Variants in EML5 observed in about 807,000 individuals in gnomAD.
The protein encoded by EML5 is EMAP like 5, also known as echinoderm microtubule-associated protein-like 5.
In EML5, 120 loss-of-function variants were observed where a neutral mutation model predicts 250.0. The ratio of observed to expected loss-of-function variants is 0.48; its 90% CI spans 0.41 to 0.56. The LOEUF is 0.56. Ranked by LOEUF, EML5 falls within the 20% of genes least tolerant of loss-of-function variation. EML5 has a pLI of 0.00. For synonymous variants in EML5, 771 were observed against 806.5 expected (o/e 0.96, Z 0.75); for missense variants, 2,006 against 2,437.6 (o/e 0.82, Z 3.73).
chr14:88,785,235 A>C (rs1458047438), intron 1 of EML5, among the ~76,000 whole-genome samples: 2 of 152,136 alleles, frequency 1.3e-5, no homozygotes, highest in African/African-American at 4.8e-5. Flanking sequence ...TAATGGGTAC[A>C]AAAAAAGAGT....
At chr14:88,744,806 C>T in intron 3 of EML5, among the ~76,000 whole-genome samples, 1 of 151,994 alleles carries the variant, frequency 6.6e-6, no homozygotes, top group Non-Finnish European at 1.5e-5. Context: ...ACCTTATCAA[C>T]CTACCTCTAA....
At chr14:88,687,902 C>T (rs1658346489) in intron 18 of EML5, among the ~76,000 whole-genome samples, 1 of 151,996 alleles carries the variant, frequency 6.6e-6, no homozygotes, top group African/African-American at 2.4e-5. Context: ...ATAATCTCTA[C>T]CAAAAAAATT....
chr14:88,710,806 T>C (rs949710006), intron 10 of EML5, among the ~76,000 whole-genome samples: 1 of 152,260 alleles, frequency 6.6e-6, no homozygotes, highest in East Asian at 1.9e-4. Flanking sequence ...AAGGAGTGAA[T>C]AATCTCTTAG....
intron 14 of EML5, 90 bp downstream of exon 14, chr14:88,702,356 C>A (rs1383245306): frequency 9.8e-7 from 1 of 1,017,364 alleles, no homozygotes; most frequent in Non-Finnish European, 1.4e-6. Flanking sequence ...CTCTTCATAT[C>A]CTAGAACATA....
chr14:88,704,452 T>C (rs1453883489), intron 13 of EML5, among the ~76,000 whole-genome samples: 1 of 152,144 alleles, frequency 6.6e-6, no homozygotes, highest in African/African-American at 2.4e-5. Flanking sequence ...TATTCCTTTA[T>C]AGCAATGTGA....
At chr14:88,662,343 T>G (rs868617376) in intron 24 of EML5, among the ~76,000 whole-genome samples, 3 of 135,860 alleles carry the variant, frequency 2.2e-5, no homozygotes, top group African/African-American at 9.6e-5. Flanking sequence ...TTTCTTGTTT[T>G]TTTTTTTTTT....
chr14:88,778,789 A>G (rs780340334), intron 1 of EML5, among the ~76,000 whole-genome samples: 14 of 152,206 alleles, frequency 9.2e-5, no homozygotes, highest in Non-Finnish European at 1.8e-4. Flanking sequence ...AAAACAAAAC[A>G]AAACAAAACA....
At chr14:88,734,708 A>G (rs181031790) in intron 7 of EML5, among the ~76,000 whole-genome samples, 2 of 152,304 alleles carry the variant, frequency 1.3e-5, no homozygotes, top group East Asian at 1.9e-4. Flanking sequence ...CTGAAAATTC[A>G]TAACTGTATC....
chr14:88,629,884 C>T (rs781590267), intron 33 of EML5, among the ~76,000 whole-genome samples: 3 of 152,074 alleles, frequency 2.0e-5, no homozygotes, highest in South Asian at 2.1e-4. Context: ...TTTTCACTAC[C>T]GTTTTTCACT....
rs145371600 is a variant in EML5 at position 88,742,229 on chromosome 14, G to A, written c.526-1657C>T. Among the ~76,000 whole-genome samples, 447 of 152,152 alleles carry A rather than the reference G, an allele frequency of 2.9e-3. 3 individuals carry two copies. The highest frequency in any genetic ancestry group is 0.01 in the African/African-American group (433 of 41,520). The stretch of plus-strand genomic sequence containing the variant: ...GAATCCAAATCAATATTGACCAATA[G>A]AAATTTCAGTGATGATGAAAATATT... On this transcript the variant is annotated intron_variant, in intron 4 of 43. Transcript: ENST00000554922.
intron 39 of EML5, chr14:88,619,743 C>CA (rs2088522206): frequency 6.6e-6 from 1 of 152,178 alleles, no homozygotes; most frequent in African/African-American, 2.4e-5. Context: ...TGCGATGGCG[C>CA]AACCTCCGCC....
In EML5 at chr14:88,614,435, C is replaced by A. The variant is rs180690568; in HGVS notation, c.*1383G>T. 1 of 152,098 alleles carries A rather than the reference C, an allele frequency of 6.6e-6. No individual in the cohort carries two copies. Among genetic ancestry groups the A allele is most frequent in the Non-Finnish European group, 1.5e-5 (1 of 68,010 alleles). The allele number at this position is 152,098 out of a possible 1,614,324, so 9.4% of individuals were successfully genotyped here. On this transcript the variant is annotated 3_prime_UTR_variant, in exon 44 of 44. Transcript: ENST00000554922. ...TTTCTGTGATGTAATTTAGTCATTT[C>A]TATTTTTAGTATTAACCAAGTATTA...
chr14:88,745,076 T>C (rs961776923), intron 3 of EML5, among the ~76,000 whole-genome samples: 4 of 152,078 alleles, frequency 2.6e-5, no homozygotes, highest in Admixed American at 2.6e-4. Context: ...CAAATAGTCA[T>C]GTGCAAAATG....
chr14:88,704,486 T>C (rs1438485634), intron 13 of EML5, among the ~76,000 whole-genome samples: 1 of 152,102 alleles, frequency 6.6e-6, no homozygotes, highest in Non-Finnish European at 1.5e-5. Flanking sequence ...AGTACTATTA[T>C]CTCCATTTTA....
intron 8 of EML5, 121 bp downstream of exon 8, chr14:88,726,420 G>A: frequency 3.0e-6 from 2 of 655,922 alleles, no homozygotes; most frequent in Non-Finnish European, 4.4e-6. Flanking sequence ...AAGGGGAAGA[G>A]AAAAGGATAA....
chr14:88,640,168 CAAAG>C (rs754575549), intron 31 of EML5, among the ~76,000 whole-genome samples: 40 of 152,114 alleles, frequency 2.6e-4, no homozygotes, highest in Admixed American at 1.0e-3. Flanking sequence ...AGAAAACTAA[CAAAG>C]AAATTCTGGA....
rs566878967 is a variant in EML5 at position 88,748,049 on chromosome 14, T to C, written c.358-1766A>G. On this transcript the variant is annotated intron_variant, in intron 2 of 43. Transcript: ENST00000554922. ...GAGCTTCCATCTAGGAGGCAATTTC[T>C]AGACCATGGCACAGAAAGGTGGAAT... Among the ~76,000 whole-genome samples the C allele has an allele frequency of 7.9e-5, 12 of 152,284 alleles. No homozygotes were observed. The South Asian group carries it at 2.5e-3, about 32-fold the overall frequency.
chr14:88,646,967 C>T lies in EML5; in HGVS notation c.4020-12G>A. ...ATTACCTGGAACCTCTTTTCAGCAGCAGATAAAGAGGGAAAAAGATTACAA... is the reference window on the plus strand; with the variant it reads ...ATTACCTGGAACCTCTTTTCAGCAGTAGATAAAGAGGGAAAAAGATTACAA... On this transcript the variant is annotated splice_polypyrimidine_tract_variant and intron_variant, in intron 28 of 43. Transcript: ENST00000554922. 3.1e-6 allele frequency: 5 copies of T among 1,591,486 alleles called. 1 individual carries two copies. In the South Asian group the frequency reaches 5.6e-5, roughly 18 times the overall value.
chr14:88,627,123 T>C, intron 34 of EML5, 77 bp from the exon 35 acceptor site: 1 of 1,462,542 alleles, frequency 6.8e-7, no homozygotes, highest in Non-Finnish European at 9.5e-7. Flanking sequence ...ATATGTAAAA[T>C]ACATAGTTCA....
Sources: allele counts gnomAD v4.1 joint callset (sites outside exome capture counted in the v4.1 genomes callset), GRCh38; gene constraint gnomAD v4.1.1; transcripts MANE v1.5; gene names NCBI Gene and HGNC (gene_info 2026-07-23, HGNC 2026-07-21).